Variants in DPP6 observed in about 807,000 individuals in gnomAD.
DPP6 encodes dipeptidyl peptidase like 6.
A neutral mutation model predicts 122.6 loss-of-function variants in DPP6; 69 were observed. That is an observed-to-expected ratio of 0.56 (90% CI 0.46 to 0.69). DPP6 has a LOEUF of 0.69. Among genes scored for constraint, DPP6 ranks in the 30% least tolerant of loss-of-function variants. DPP6 has a pLI of 0.00. For missense variants in DPP6, 928 were observed against 1,116.9 expected (o/e 0.83, Z 2.41); for synonymous variants, 418 against 433.1 (o/e 0.97, Z 0.43).
At chr7:154,083,892 G>A (rs1804211746) in intron 1 of DPP6, among the ~76,000 whole-genome samples, 2 of 147,290 alleles carry the variant, frequency 1.4e-5, no homozygotes, top group South Asian at 2.1e-4. Flanking sequence ...GTGGGAAATG[G>A]GAGAACAGCT....
intron 16 of DPP6, among the ~76,000 whole-genome samples, chr7:154,807,447 A>G (rs1798771655): frequency 2.0e-5 from 3 of 152,346 alleles, no homozygotes; most frequent in Admixed American, 2.0e-4. Context: ...TATCCTACAC[A>G]GTGATGAGCC....
chr7:154,216,256 C>T (rs4401763), intron 1 of DPP6, among the ~76,000 whole-genome samples: 5,426 of 152,004 alleles, frequency 0.036, 310 homozygotes, highest in African/African-American at 0.12. Flanking sequence ...GATTCATCCC[C>T]GGCGGACATG....
chr7:154,392,265 C>T (rs965928300), intron 1 of DPP6, among the ~76,000 whole-genome samples: 3 of 152,152 alleles, frequency 2.0e-5, no homozygotes, highest in Non-Finnish European at 4.4e-5. Flanking sequence ...AAAAGAGAGA[C>T]TCTGACTCAA....
intron 1 of DPP6, among the ~76,000 whole-genome samples, chr7:154,281,460 C>T (rs1048226007): frequency 2.4e-4 from 37 of 152,188 alleles, no homozygotes; most frequent in African/African-American, 8.4e-4. Flanking sequence ...TCCCACGCCT[C>T]TGTTTCCTAT....
intron 17 of DPP6, among the ~76,000 whole-genome samples, chr7:154,860,028 A>G (rs1224818219): frequency 1.3e-5 from 2 of 152,080 alleles, no homozygotes; most frequent in Admixed American, 1.3e-4. Context: ...TTATGGCATC[A>G]AAAGTTAGGT....
chr7:154,210,209 TC>T (rs1799666989), intron 1 of DPP6, among the ~76,000 whole-genome samples: 1 of 152,184 alleles, frequency 6.6e-6, no homozygotes, highest in Non-Finnish European at 1.5e-5. Context: ...AAGCCTGCTC[TC>T]CTTCAGGCCC....
intron 4 of DPP6, among the ~76,000 whole-genome samples, 195 bp downstream of exon 4, chr7:154,540,821 T>C (rs908061037): frequency 2.6e-5 from 4 of 152,204 alleles, no homozygotes; most frequent in Non-Finnish European, 5.9e-5. Context: ...GCACTGTTTC[T>C]TTCATTGTCT....
At chr7:153,964,259 G>A (rs1370908464) in intron 1 of DPP6, among the ~76,000 whole-genome samples, 1 of 152,148 alleles carries the variant, frequency 6.6e-6, no homozygotes, top group African/African-American at 2.4e-5. Flanking sequence ...GCCTCCCAAA[G>A]TGCTGAGATT....
chr7:154,743,788 C>A (rs1030318840), intron 8 of DPP6, among the ~76,000 whole-genome samples: 2 of 152,018 alleles, frequency 1.3e-5, no homozygotes, highest in African/African-American at 4.8e-5. Context: ...GTTCCAGGAC[C>A]CCTGAGTTAC....
chr7:154,632,327 C>CCT (rs1261353218), intron 5 of DPP6, among the ~76,000 whole-genome samples: 1 of 152,070 alleles, frequency 6.6e-6, no homozygotes, highest in African/African-American at 2.4e-5. Context: ...GGAGGAGAGG[C>CCT]CTGACTTAGG....
chr7:154,252,235 T>TGTGTGTGCGC (rs60245069), intron 1 of DPP6, among the ~76,000 whole-genome samples: 286 of 149,440 alleles, frequency 1.9e-3, no homozygotes, highest in African/African-American at 4.7e-3. Context: ...TGTGTGTGTG[T>TGTGTGTGCGC]GCGCGCATGC....
chr7:154,194,746 C>T (rs118113626), intron 1 of DPP6, among the ~76,000 whole-genome samples: 8,166 of 152,310 alleles, frequency 0.054, 248 homozygotes, highest in Middle Eastern at 0.088. Flanking sequence ...AAAAGTTTTT[C>T]GTGGACTTAT....
Position 154,061,897 on chromosome 7 carries a change from T to A in DPP6, c.243+8834T>A, listed in dbSNP as rs1238327066. On this transcript the variant is annotated intron_variant, in intron 1 of 25. Coordinates refer to ENST00000377770, the MANE Select transcript of DPP6 (RefSeq NM_130797.4). ...CCGCGAGGCAGGGACTGAGAGGCAA[T>A]CCCTCTTCCCCCCCTGGCTCTGAGG... Among the ~76,000 whole-genome samples, 27 of 95,756 alleles carry A rather than the reference T, an allele frequency of 2.8e-4. 1 individual carries two copies. Among genetic ancestry groups the A allele is most frequent in the South Asian group, 4.2e-4 (1 of 2,406 alleles). The allele number at this position is 95,756 out of a possible 152,430, so 62.8% of individuals were successfully genotyped here.
At chr7:153,882,353 G>A (rs570141857), upstream of DPP6, among the ~76,000 whole-genome samples, 30 of 152,260 alleles carry the variant, frequency 2.0e-4, no homozygotes, top group South Asian at 2.1e-4. Context: ...CTTATGTCAC[G>A]TTGACTGTCG....
the DPP6 span, among the ~76,000 whole-genome samples, chr7:153,832,952 G>C: frequency 1.3e-5 from 2 of 152,182 alleles, no homozygotes; most frequent in Non-Finnish European, 2.9e-5. Flanking sequence ...TGGAAGCTCA[G>C]ATGTGGGGTG....
At position 153,995,708 on chromosome 7, in the gene DPP6, C is replaced by T. The variant is rs17173854; in HGVS notation, c.51+107974C>T. Among the ~76,000 whole-genome samples the T allele has an allele frequency of 8.1e-3, 1,225 of 151,694 alleles. 14 individuals carry two copies. Among genetic ancestry groups the T allele is most frequent in the African/African-American group, 0.028 (1,150 of 41,352 alleles). ...AAAAATTAGCTTCTCTTAGAATGTGCTATCGGCATATATTGGCATACAGTA... is the reference window on the plus strand; with the variant it reads ...AAAAATTAGCTTCTCTTAGAATGTGTTATCGGCATATATTGGCATACAGTA... On this transcript the variant is annotated intron_variant, in intron 1 of 25. Coordinates refer to the DPP6 transcript ENST00000404039.
intron 1 of DPP6, among the ~76,000 whole-genome samples, chr7:154,254,052 C>T (rs1242556860): frequency 6.6e-6 from 1 of 152,200 alleles, no homozygotes; most frequent in Non-Finnish European, 1.5e-5. Context: ...AGTCACCTCC[C>T]GCCGGGCCCC....
intron 1 of DPP6, among the ~76,000 whole-genome samples, chr7:154,434,997 C>T (rs1383054145): frequency 1.3e-5 from 2 of 151,990 alleles, no homozygotes; most frequent in Non-Finnish European, 2.9e-5. Flanking sequence ...CCCTTATGCC[C>T]CATTACTTTT....
At chr7:153,945,914 C>T (rs1801928186) in intron 1 of DPP6, among the ~76,000 whole-genome samples, 1 of 152,152 alleles carries the variant, frequency 6.6e-6, no homozygotes, top group African/African-American at 2.4e-5. Context: ...GATTTTCAAT[C>T]AGTTGATCAA....
Sources: gnomAD v4.1 joint callset for allele counts (sites outside exome capture counted in the v4.1 genomes callset) on GRCh38, gnomAD v4.1.1 for gene constraint, MANE v1.5 for transcripts, NCBI Gene and HGNC (gene_info 2026-07-23, HGNC 2026-07-21) for gene names.